The following NRXN3 variants were observed in gnomAD, a reference collection of about 807,000 sequenced individuals.
The protein encoded by NRXN3 is neurexin 3.
A neutral mutation model predicts 137.6 loss-of-function variants in NRXN3; 32 were observed. The ratio of observed to expected loss-of-function variants is 0.23; its 90% CI spans 0.18 to 0.31. The LOEUF (loss-of-function observed/expected upper bound fraction) is 0.31. Ranked by LOEUF, NRXN3 falls within the 10% of genes least tolerant of loss-of-function variation. The pLI is 1.00. For missense variants in NRXN3, 1,574 were observed against 2,062.5 expected (o/e 0.76, Z 4.59); for synonymous variants, 798 against 784.5 (o/e 1.02, Z -0.29).
chr14:78,219,751 C>A (rs1485407102), intron 1 of NRXN3, among the ~76,000 whole-genome samples: 3 of 152,110 alleles, frequency 2.0e-5, no homozygotes, highest in Non-Finnish European at 4.4e-5. Flanking sequence ...TCTTTAGAAG[C>A]CTGGGAGTGA....
intron 10 of NRXN3, among the ~76,000 whole-genome samples, chr14:78,933,795 T>C (rs2099328323): frequency 6.6e-6 from 1 of 152,140 alleles, no homozygotes. Context: ...ATCCACTCTC[T>C]GAGCATTTTT....
chr14:79,271,604 G>C (rs1276649319), intron 15 of NRXN3, among the ~76,000 whole-genome samples: 1 of 144,326 alleles, frequency 6.9e-6, no homozygotes, highest in Non-Finnish European at 1.5e-5. Context: ...CCCTTCTCCT[G>C]CCGTGCCTTG....
intron 19 of NRXN3, among the ~76,000 whole-genome samples, chr14:79,751,056 T>A (rs2098995842): frequency 6.6e-6 from 1 of 151,804 alleles, no homozygotes; most frequent in Non-Finnish European, 1.5e-5. Context: ...CGATGCAGGC[T>A]CTTTTTTGGT....
intron 15 of NRXN3, among the ~76,000 whole-genome samples, chr14:79,438,929 A>G (rs766028603): frequency 3.3e-5 from 5 of 152,270 alleles, no homozygotes; most frequent in Admixed American, 6.5e-5. Context: ...TATCTGTTGT[A>G]GATTAAGCCT....
chr14:79,150,005 TTAAAA>T (rs1289134140), intron 15 of NRXN3, among the ~76,000 whole-genome samples: 7 of 152,080 alleles, frequency 4.6e-5, no homozygotes, highest in Non-Finnish European at 8.8e-5. Context: ...ACCGTGGAAC[TTAAAA>T]TAAAATGACA....
chr14:78,464,777 CT>C (rs1221421616), intron 4 of NRXN3, among the ~76,000 whole-genome samples: 1 of 152,082 alleles, frequency 6.6e-6, no homozygotes, highest in Non-Finnish European at 1.5e-5. Context: ...TTCTAACATA[CT>C]TTCTTGTTTT....
intron 15 of NRXN3, among the ~76,000 whole-genome samples, chr14:79,340,491 GT>G (rs2092548535): frequency 6.6e-6 from 1 of 152,140 alleles, no homozygotes; most frequent in African/African-American, 2.4e-5. Flanking sequence ...TTGAGACAGA[GT>G]TTTCCTCTTA....
At chr14:78,282,407 G>T in intron 3 of NRXN3, 1 of 307,638 alleles carries the variant, frequency 3.3e-6, no homozygotes, top group Non-Finnish European at 6.6e-6. Context: ...GCCTGGAGGG[G>T]CTGTTTATGG....
intron 10 of NRXN3, among the ~76,000 whole-genome samples, chr14:78,847,338 G>T (rs780814760): frequency 5.9e-5 from 9 of 152,096 alleles, no homozygotes; most frequent in Non-Finnish European, 1.0e-4. Flanking sequence ...GCATAATAAA[G>T]TCATTAAGTT....
At chr14:78,856,565 T>C (rs1480886371) in intron 10 of NRXN3, among the ~76,000 whole-genome samples, 6 of 152,168 alleles carry the variant, frequency 3.9e-5, no homozygotes, top group Non-Finnish European at 8.8e-5. Context: ...TCTCTTCTTA[T>C]ACGTTTTTCC....
At chr14:78,845,490 T>C (rs1290114153) in intron 10 of NRXN3, among the ~76,000 whole-genome samples, 2 of 152,078 alleles carry the variant, frequency 1.3e-5, no homozygotes, top group African/African-American at 2.4e-5. Flanking sequence ...TATATTCTTG[T>C]TTAATTCTCT....
At chr14:79,269,213 C>A (rs1293570844) in intron 15 of NRXN3, among the ~76,000 whole-genome samples, 1 of 152,090 alleles carries the variant, frequency 6.6e-6, no homozygotes, top group Non-Finnish European at 1.5e-5. Context: ...CCACGCCCGG[C>A]TAATTTTTTG....
intron 19 of NRXN3, among the ~76,000 whole-genome samples, chr14:79,720,621 T>C (rs1050029113): frequency 6.6e-6 from 1 of 152,138 alleles, no homozygotes; most frequent in Admixed American, 6.6e-5. Context: ...ACTCTTCAAC[T>C]AGGTTTCTAT....
chr14:79,407,174 A>T (rs2095330343), intron 15 of NRXN3, among the ~76,000 whole-genome samples: 1 of 152,150 alleles, frequency 6.6e-6, no homozygotes. Context: ...ACACAAAAAA[A>T]GGTTTTAAAA....
At chr14:78,188,941 C>T (rs1566933522) in intron 1 of NRXN3, among the ~76,000 whole-genome samples, 1 of 152,140 alleles carries the variant, frequency 6.6e-6, no homozygotes, top group Non-Finnish European at 1.5e-5. Context: ...ACCATCTCTA[C>T]TTGTGTGTCT....
intron 15 of NRXN3, among the ~76,000 whole-genome samples, chr14:79,402,950 C>A (rs1009230026): frequency 1.3e-5 from 2 of 151,984 alleles, no homozygotes; most frequent in African/African-American, 4.8e-5. Context: ...GTAATTATAC[C>A]TGCAAAGGAA....
chr14:78,570,654 C>T (rs796904237), intron 4 of NRXN3, among the ~76,000 whole-genome samples: 13 of 152,318 alleles, frequency 8.5e-5, no homozygotes, highest in African/African-American at 3.1e-4. Flanking sequence ...ACAGTCTTCT[C>T]AGTCTGGTCA....
At chr14:78,666,335 T>TA (rs944768000) in intron 6 of NRXN3, among the ~76,000 whole-genome samples, 6 of 151,970 alleles carry the variant, frequency 3.9e-5, no homozygotes, top group African/African-American at 1.5e-4. Flanking sequence ...CTCAGGAAGA[T>TA]AAAAAATGCC....
At chr14:78,425,819 C>T (rs190097156) in intron 4 of NRXN3, among the ~76,000 whole-genome samples, 1 of 152,268 alleles carries the variant, frequency 6.6e-6, no homozygotes, top group African/African-American at 2.4e-5. Context: ...GGGCTCCTGT[C>T]TGGCTAGTTA....
Sources: gnomAD v4.1 joint callset for allele counts (sites outside exome capture counted in the v4.1 genomes callset) on GRCh38, gnomAD v4.1.1 for gene constraint, MANE v1.5 for transcripts, NCBI Gene and HGNC (gene_info 2026-07-23, HGNC 2026-07-21) for gene names.